Variants in PPP1R16B observed in about 807,000 individuals in gnomAD.
The protein encoded by PPP1R16B is protein phosphatase 1 regulatory subunit 16B, also known as protein phosphatase 1 regulatory inhibitor subunit 16B.
Under a neutral mutation model 61.7 loss-of-function variants are expected in PPP1R16B, and 14 were observed. That is an observed-to-expected ratio of 0.23 (90% CI 0.15 to 0.35). The LOEUF is 0.35. Ranked by LOEUF, PPP1R16B falls within the 10% of genes least tolerant of loss-of-function variation. PPP1R16B has a pLI of 1.00. For synonymous variants in PPP1R16B, 266 were observed against 305.3 expected (o/e 0.87, Z 1.34); for missense variants, 547 against 752.5 (o/e 0.73, Z 3.19).
chr20:38,828,147 A>G (rs972043048), intron 1 of PPP1R16B, among the ~76,000 whole-genome samples: 9 of 152,238 alleles, frequency 5.9e-5, no homozygotes, highest in African/African-American at 2.2e-4. Flanking sequence ...TTCTCGAGGC[A>G]CTAGGCTTGA....
At chr20:38,822,059 A>T (rs557265033) in intron 1 of PPP1R16B, among the ~76,000 whole-genome samples, 184 of 148,260 alleles carry the variant, frequency 1.2e-3, no homozygotes, top group African/African-American at 4.2e-3. Context: ...TAATATATAT[A>T]TTTTTTTAAT....
chr20:38,822,127 C>T (rs1277744994), intron 1 of PPP1R16B, among the ~76,000 whole-genome samples: 1 of 151,490 alleles, frequency 6.6e-6, no homozygotes, highest in Non-Finnish European at 1.5e-5. Context: ...GGGTGGACAA[C>T]ATCTGAAATC....
At chr20:38,822,074 C>G (rs2084777028) in intron 1 of PPP1R16B, among the ~76,000 whole-genome samples, 1 of 149,560 alleles carries the variant, frequency 6.7e-6, no homozygotes. Flanking sequence ...TTTAATCAGG[C>G]AATTAACTTG....
chr20:38,840,276 C>G (rs368026079), intron 2 of PPP1R16B, among the ~76,000 whole-genome samples: 2 of 152,102 alleles, frequency 1.3e-5, no homozygotes, highest in African/African-American at 4.8e-5. Context: ...GGTGGCAGCT[C>G]CCCCACTCCC....
Position 38,806,785 on chromosome 20 carries a change from T to C in PPP1R16B, c.-102+993T>C, listed in dbSNP as rs2084665005. Reference sequence around the variant, plus strand: ...GCAGCTCCCAGCCCTTGGAGGATAATTGAGCCTGGGAGAGCTTTGAATCTG... The same window carrying C: ...GCAGCTCCCAGCCCTTGGAGGATAACTGAGCCTGGGAGAGCTTTGAATCTG... On this transcript the variant is annotated intron_variant, in intron 1 of 10. Transcript: ENST00000299824. This position sits in a 1 kb window ranked among gnomAD's most constrained non-coding sequence, Gnocchi z 4.5. Among the ~76,000 whole-genome samples, 1 of 152,070 alleles carries C rather than the reference T, an allele frequency of 6.6e-6. No individual in the cohort carries two copies. Among genetic ancestry groups the C allele is most frequent in the South Asian group, 2.1e-4 (1 of 4,824 alleles).
At chr20:38,811,594 T>C (rs988590045) in intron 1 of PPP1R16B, among the ~76,000 whole-genome samples, 25 of 152,266 alleles carry the variant, frequency 1.6e-4, no homozygotes, top group African/African-American at 5.5e-4. Context: ...TAATTGTGAT[T>C]ATATGGTTAT....
chr20:38,855,662 T>C (rs1470694449), intron 2 of PPP1R16B, among the ~76,000 whole-genome samples: 1 of 151,580 alleles, frequency 6.6e-6, no homozygotes, highest in Admixed American at 6.6e-5. Flanking sequence ...AGGGCCCTGG[T>C]GAAGAGGAGG....
At chr20:38,879,890 A>G (rs148536558) in intron 2 of PPP1R16B, among the ~76,000 whole-genome samples, 1 of 152,320 alleles carries the variant, frequency 6.6e-6, no homozygotes, top group East Asian at 1.9e-4. Flanking sequence ...GGTGTCAGAG[A>G]TGCTAGGAGA....
At chr20:38,878,054 G>A (rs181858841) in intron 2 of PPP1R16B, among the ~76,000 whole-genome samples, 10 of 147,004 alleles carry the variant, frequency 6.8e-5, no homozygotes, top group East Asian at 2.0e-4. Flanking sequence ...TTTGGATGTC[G>A]GTCATCTTGC....
chr20:38,872,663 C>G (rs1462850020), intron 2 of PPP1R16B: 1 of 152,526 alleles, frequency 6.6e-6, no homozygotes, highest in African/African-American at 2.4e-5. Flanking sequence ...CACTGAGAAC[C>G]ACTGGGCTAG....
At chr20:38,916,850 C>A (rs2085545533) in intron 10 of PPP1R16B, among the ~76,000 whole-genome samples, 1 of 151,784 alleles carries the variant, frequency 6.6e-6, no homozygotes, top group Admixed American at 6.6e-5. Context: ...AGTGTGATAT[C>A]CAAAAGTGAT....
intron 2 of PPP1R16B, among the ~76,000 whole-genome samples, chr20:38,860,917 G>C (rs2085045205): frequency 1.3e-5 from 2 of 152,052 alleles, no homozygotes; most frequent in African/African-American, 4.8e-5. Flanking sequence ...GTGCTCCCAG[G>C]GGCCCCCTGC....
rs567122796 is a variant in PPP1R16B at position 38,806,658 on chromosome 20, G to A, written c.-102+866G>A. Among the ~76,000 whole-genome samples the A allele has an allele frequency of 6.6e-6, 1 of 152,286 alleles. No homozygotes were observed. The highest frequency in any genetic ancestry group is 1.5e-5 in the Non-Finnish European group (1 of 68,016). ...CCAGACCGCCCCGGGTGGAGAGCCG[G>A]GAGGCAGGCGCTCGCTGCCCTCCTC... On this transcript the variant is annotated intron_variant, in intron 1 of 10. Coordinates refer to ENST00000299824, the MANE Select transcript of PPP1R16B (RefSeq NM_015568.4). This position sits in a 1 kb window ranked among gnomAD's most constrained non-coding sequence, Gnocchi z 4.5.
Position 38,815,591 on chromosome 20 carries a change from G to A in PPP1R16B, c.-102+9799G>A, listed in dbSNP as rs1568651143. Among the ~76,000 whole-genome samples, 4 of 152,190 alleles carry A rather than the reference G, an allele frequency of 2.6e-5. No homozygotes were observed. In the South Asian group the frequency reaches 8.3e-4, roughly 31 times the overall value. The stretch of plus-strand genomic sequence containing the variant: ...CATTGCTAACCTGTTCTCCAAAGAG[G>A]CTGAACCAATTTCTGTTTCCTCAAC... On this transcript the variant is annotated intron_variant, in intron 1 of 10. Coordinates refer to ENST00000299824, the MANE Select transcript of PPP1R16B (RefSeq NM_015568.4).
In PPP1R16B at chr20:38,835,898, A is replaced by G. The variant is rs1398643106; in HGVS notation, c.-28A>G. 4 of 1,518,926 alleles carry G rather than the reference A, an allele frequency of 2.6e-6. No individual in the cohort carries two copies. The highest frequency in any genetic ancestry group is 2.3e-4 in the Middle Eastern group (1 of 4,352). The allele number at this position is 1,518,926 out of a possible 1,614,324, so 94.1% of individuals were successfully genotyped here. On this transcript the variant is annotated 5_prime_UTR_variant, in exon 2 of 11. Transcript: ENST00000299824. The stretch of plus-strand genomic sequence containing the variant: ...CCCCCGGTGCACCGTGCTAGCCCCC[A>G]GCCAGGGCGTTGGGGAGGGCGGTGG...
At chr20:38,916,069 T>TA (rs1206681598) in intron 10 of PPP1R16B, among the ~76,000 whole-genome samples, 200 of 127,952 alleles carry the variant, frequency 1.6e-3, no homozygotes, top group African/African-American at 1.7e-3. Flanking sequence ...AAGGAGCCAT[T>TA]AAAAAAAAAA....
intron 1 of PPP1R16B, among the ~76,000 whole-genome samples, chr20:38,826,466 G>A (rs1218794476): frequency 6.6e-6 from 1 of 152,102 alleles, no homozygotes; most frequent in African/African-American, 2.4e-5. Flanking sequence ...GCTTCCCTGG[G>A]TTCAAGTTCT....
intron 2 of PPP1R16B, among the ~76,000 whole-genome samples, chr20:38,862,244 A>G (rs1345829035): frequency 2.0e-5 from 3 of 152,238 alleles, no homozygotes; most frequent in African/African-American, 4.8e-5. Context: ...CCTCATTGCT[A>G]TGTTCAGAAG....
intron 2 of PPP1R16B, among the ~76,000 whole-genome samples, chr20:38,875,236 A>G (rs2085157818): frequency 6.6e-6 from 1 of 152,220 alleles, no homozygotes; most frequent in South Asian, 2.1e-4. Context: ...AGCCAGGAAC[A>G]GAGGGTTCCA....
Sources: gnomAD v4.1 joint callset for allele counts (sites outside exome capture counted in the v4.1 genomes callset) on GRCh38, gnomAD v4.1.1 for gene constraint, Gnocchi (gnomAD v3.1) non-coding constraint, MANE v1.5 for transcripts, NCBI Gene and HGNC (gene_info 2026-07-23, HGNC 2026-07-21) for gene names.